Variants in RAPGEF6 observed in about 807,000 individuals in gnomAD.
RAPGEF6 encodes PDZ domain containing guanine nucleotide exchange factor (GEF) 2.
In RAPGEF6, 56 loss-of-function variants were observed where a neutral mutation model predicts 171.4. The ratio of observed to expected loss-of-function variants is 0.33; its 90% CI spans 0.26 to 0.41. RAPGEF6 has a LOEUF of 0.41. RAPGEF6 is among the 10% of genes least tolerant of loss of function. The pLI, the probability that RAPGEF6 is intolerant of heterozygous loss-of-function variation, is 1.00. For synonymous variants in RAPGEF6, 692 were observed against 650.1 expected, an observed-to-expected ratio of 1.06 and a Z score of -0.98; for missense variants, 1,674 against 1,921.4, an observed-to-expected ratio of 0.87 and a Z score of 2.41.
chr5:131,572,901 C>T (rs970513504), intron 4 of RAPGEF6, among the ~76,000 whole-genome samples: 8 of 152,162 alleles, frequency 5.3e-5, no homozygotes, highest in African/African-American at 1.9e-4. Flanking sequence ...ATGGCACTTT[C>T]GATTTGTCTT....
chr5:131,462,850 CATCT>C (rs1754032321), intron 18 of RAPGEF6, among the ~76,000 whole-genome samples: 1 of 149,806 alleles, frequency 6.7e-6, no homozygotes, highest in African/African-American at 2.4e-5. Context: ...TCCATCTATC[CATCT>C]ATTTTTTACT....
Position 131,430,861 on chromosome 5 carries a change from A to G in RAPGEF6, c.4463T>C (p.Ile1488Thr). Residue 1488 changes from isoleucine to threonine, a missense_variant and splice_region_variant, in exon 26 of 28, where the codon ATT becomes ACT. Physicochemically the swap from Ile to Thr is moderately conservative, Grantham distance 89. Coordinates refer to ENST00000509018, the MANE Select transcript of RAPGEF6 (RefSeq NM_016340.6). The part of the protein sequence containing the change: ...TVTSSTEKGL[I>T]VYCVTSPKKD... ...CAGACAACAAAAACACAACTTACCA[A>G]TCAAGCCCTTTTCTGTACTTGAAGT... 6 of 1,593,802 alleles carry G rather than the reference A, an allele frequency of 3.8e-6. No individual in the cohort carries two copies. The highest frequency in any genetic ancestry group is 3.4e-5 in the South Asian group (3 of 87,576).
intron 26 of RAPGEF6, 159 bp downstream of exon 26, chr5:131,430,700 A>G: frequency 9.6e-7 from 1 of 1,046,214 alleles, no homozygotes; most frequent in Non-Finnish European, 1.5e-6. Context: ...TCTTTGAGAA[A>G]CCATGAATTT....
intron 6 of RAPGEF6, among the ~76,000 whole-genome samples, chr5:131,528,203 T>A (rs1334266324): frequency 2.4e-5 from 3 of 125,214 alleles, no homozygotes; most frequent in African/African-American, 3.2e-5. Flanking sequence ...ATTATATATA[T>A]TATATATAAA....
At position 131,635,100 on chromosome 5, in the gene RAPGEF6, G is replaced by GCACCCGCTACCTA; in HGVS notation, c.-71_-70insTAGGTAGCGGGTG. On this transcript the variant is annotated 5_prime_UTR_variant, in exon 1 of 28. Coordinates refer to ENST00000509018, the MANE Select transcript of RAPGEF6 (RefSeq NM_016340.6). Reference sequence around the variant, plus strand: ...CCACAGTTCATTCACACTAGGTAGCGGGTGCGGTACCTTTCCCCCGCCCCA... The same window carrying GCACCCGCTACCTA: ...CCACAGTTCATTCACACTAGGTAGCGCACCCGCTACCTAGGTGCGGTACCTTTCCCCCGCCCCA... The GCACCCGCTACCTA allele has an allele frequency of 1.4e-6, 2 of 1,460,204 alleles. No individual in the cohort carries two copies. The highest frequency in any genetic ancestry group is 1.8e-6 in the Non-Finnish European group (2 of 1,086,526). The allele number at this position is 1,460,204 out of a possible 1,614,324, so 90.5% of individuals were successfully genotyped here.
intron 14 of RAPGEF6, among the ~76,000 whole-genome samples, chr5:131,490,565 G>A (rs1443797730): frequency 6.6e-6 from 1 of 152,050 alleles, no homozygotes; most frequent in Non-Finnish European, 1.5e-5. Context: ...TAACCCAAAG[G>A]TACCTACAAA....
chr5:131,583,074 C>T (rs1435566527), intron 4 of RAPGEF6, among the ~76,000 whole-genome samples: 1 of 152,158 alleles, frequency 6.6e-6, no homozygotes, highest in Non-Finnish European at 1.5e-5. Flanking sequence ...GCAAAATAGT[C>T]AATAACAGTC....
intron 25 of RAPGEF6, among the ~76,000 whole-genome samples, chr5:131,432,941 C>CT (rs1165215494): frequency 4.0e-5 from 6 of 151,882 alleles, no homozygotes; most frequent in Admixed American, 3.9e-4. Context: ...TTGCTTGATT[C>CT]TAAATAGAAA....
chr5:131,577,519 C>A (rs1426174046), intron 4 of RAPGEF6, among the ~76,000 whole-genome samples: 3 of 152,276 alleles, frequency 2.0e-5, no homozygotes, highest in South Asian at 2.1e-4. Context: ...CTCCAGCAGG[C>A]TAGACAGGAA....
chr5:131,455,846 G>A lies in RAPGEF6; in HGVS notation c.3031C>T (p.Pro1011Ser), dbSNP rs1753456360. ...TCTTTCTTGACAACAGGGAAGAGTG[G>A]AATAATTGGAGGCTGCATACTTTGA... ...SSQSMQPPII[P>S]LFPVVKKDMT... The change falls in exon 20 of 28, where the codon CCA becomes TCA. Residue 1011 changes from proline to serine, a missense_variant. Pro to Ser is a moderately conservative substitution (Grantham distance 74). This residue lies in a region of RAPGEF6 where 1,116 missense variants were observed against 1,321.5 expected (regional missense o/e 0.84). Transcript: ENST00000509018. 6 of 1,613,674 alleles carry A rather than the reference G, an allele frequency of 3.7e-6. No homozygotes were observed. The highest frequency in any genetic ancestry group is 5.1e-6 in the Non-Finnish European group (6 of 1,179,714).
intron 21 of RAPGEF6, among the ~76,000 whole-genome samples, chr5:131,447,786 T>C (rs1270422817): frequency 6.6e-6 from 1 of 152,316 alleles, no homozygotes; most frequent in East Asian, 1.9e-4. Context: ...GTTGAAAAAG[T>C]GTTATGGCAT....
At chr5:131,541,201 G>A (rs1453727531) in intron 6 of RAPGEF6, among the ~76,000 whole-genome samples, 1 of 152,160 alleles carries the variant, frequency 6.6e-6, no homozygotes, top group African/African-American at 2.4e-5. Flanking sequence ...CTATGAACAG[G>A]AAATGTCAGG....
chr5:131,583,518 A>C (rs1370866783), intron 4 of RAPGEF6, among the ~76,000 whole-genome samples: 2 of 152,154 alleles, frequency 1.3e-5, no homozygotes, highest in Non-Finnish European at 1.5e-5. Context: ...GCTGATTCCA[A>C]ATTTTCGACA....
intron 3 of RAPGEF6, among the ~76,000 whole-genome samples, chr5:131,602,226 T>C (rs991106308): frequency 6.6e-6 from 1 of 152,156 alleles, no homozygotes; most frequent in African/African-American, 2.4e-5. Context: ...GAAGATGGTA[T>C]AGCCTACTAT....
chr5:131,531,150 A>G (rs543918179), intron 6 of RAPGEF6, among the ~76,000 whole-genome samples: 3 of 152,342 alleles, frequency 2.0e-5, no homozygotes, highest in African/African-American at 7.2e-5. Flanking sequence ...AAACACCACG[A>G]TGCTATCATA....
chr5:131,598,064 G>GA (rs1023908359), intron 3 of RAPGEF6, among the ~76,000 whole-genome samples: 8 of 150,968 alleles, frequency 5.3e-5, no homozygotes, highest in South Asian at 2.1e-4. Flanking sequence ...AAAACCAACA[G>GA]AAAAAAAACC....
In RAPGEF6 at chr5:131,426,698, CAAGCA is replaced by C; in HGVS notation, c.*563_*567del. ...GATCAAGTCACATCTCTGTGTAGATCAAGCATATCACCTCTGTAAAGATGACTTCT... is the reference window on the plus strand; with the variant it reads ...GATCAAGTCACATCTCTGTGTAGATCTATCACCTCTGTAAAGATGACTTCT... On this transcript the variant is annotated 3_prime_UTR_variant, in exon 28 of 28. Coordinates refer to ENST00000509018, the MANE Select transcript of RAPGEF6 (RefSeq NM_016340.6). The C allele has an allele frequency of 1.9e-5, 3 of 157,534 alleles. No individual in the cohort carries two copies. Among genetic ancestry groups the C allele is most frequent in the Non-Finnish European group, 4.2e-5 (3 of 71,850 alleles). The allele number at this position is 157,534 out of a possible 1,614,324, so 9.8% of individuals were successfully genotyped here.
chr5:131,507,290 T>C (rs991837962), intron 9 of RAPGEF6, among the ~76,000 whole-genome samples: 13 of 151,074 alleles, frequency 8.6e-5, no homozygotes, highest in African/African-American at 3.2e-4. Flanking sequence ...AATAACTCTT[T>C]GAGTTCTACA....
intron 27 of RAPGEF6, 44 bp downstream of exon 27, chr5:131,428,858 T>C (rs763311578): frequency 1.3e-6 from 2 of 1,538,606 alleles, no homozygotes; most frequent in South Asian, 2.3e-5. Context: ...TTTAATGTGT[T>C]CAGCAATTCA....
Sources: allele counts gnomAD v4.1 joint callset (sites outside exome capture counted in the v4.1 genomes callset), GRCh38; gene constraint gnomAD v4.1.1; regional missense constraint gnomAD v4.1.1; transcripts MANE v1.5; gene names NCBI Gene and HGNC (gene_info 2026-07-23, HGNC 2026-07-21).